Variants in HTR7 observed in about 807,000 individuals in gnomAD.
The protein encoded by HTR7 is 5-hydroxytryptamine receptor 7.
Under a neutral mutation model 34.0 loss-of-function variants are expected in HTR7, and 16 were observed. That is an observed-to-expected ratio of 0.47 (90% CI 0.32 to 0.71). The LOEUF is 0.71. HTR7 is among the 30% of genes least tolerant of loss of function. HTR7 has a pLI of 0.04. For synonymous variants in HTR7, 265 were observed against 260.2 expected, an observed-to-expected ratio of 1.02 and a Z score of -0.18; for missense variants, 504 against 625.5, an observed-to-expected ratio of 0.81 and a Z score of 2.07.
intron 1 of HTR7, among the ~76,000 whole-genome samples, chr10:90,847,766 CT>C (rs1846431105): frequency 6.6e-6 from 1 of 152,212 alleles, no homozygotes; most frequent in Non-Finnish European, 1.5e-5. Flanking sequence ...AAGCTAAAAA[CT>C]AATGGTTGCT....
chr10:90,770,952 G>A (rs1845099679), intron 1 of HTR7, among the ~76,000 whole-genome samples: 1 of 152,186 alleles, frequency 6.6e-6, no homozygotes, highest in Admixed American at 6.5e-5. Flanking sequence ...GGCCACCCAT[G>A]GACTAATGGG....
chr10:90,813,478 T>C (rs139456645), intron 1 of HTR7, among the ~76,000 whole-genome samples: 355 of 150,564 alleles, frequency 2.4e-3, no homozygotes, highest in African/African-American at 7.8e-3. Flanking sequence ...GCAAAGATCA[T>C]GCCACTGCAC....
chr10:90,829,016 A>G lies in HTR7; in HGVS notation c.539+28117T>C, dbSNP rs571333965. Among the ~76,000 whole-genome samples, 321 of 152,322 alleles carry G rather than the reference A, an allele frequency of 2.1e-3. 1 individual carries two copies. The highest frequency in any genetic ancestry group is 0.01 in the Middle Eastern group (3 of 294). ...AATCCTCAAAAAAATCTTGCAAACC[A>G]AATTCAACAACATACTAAAAAGATC... On this transcript the variant is annotated intron_variant, in intron 1 of 3. Coordinates refer to ENST00000336152, the MANE Select transcript of HTR7 (RefSeq NM_019859.4).
At chr10:90,804,747 A>G (rs1171981637) in intron 1 of HTR7, among the ~76,000 whole-genome samples, 1 of 152,190 alleles carries the variant, frequency 6.6e-6, no homozygotes, top group African/African-American at 2.4e-5. Context: ...CTATAATTAC[A>G]ATTTTTTTTT....
At chr10:90,835,279 C>T (rs901624605) in intron 1 of HTR7, among the ~76,000 whole-genome samples, 7 of 152,178 alleles carry the variant, frequency 4.6e-5, no homozygotes. Context: ...CAGGTAAAAT[C>T]CCATTGTACT....
chr10:90,831,415 G>T (rs370595556), intron 1 of HTR7, among the ~76,000 whole-genome samples: 19 of 152,050 alleles, frequency 1.2e-4, no homozygotes, highest in East Asian at 7.7e-4. Flanking sequence ...TCCTCCCGGT[G>T]GGTTCGTGGT....
At position 90,857,621 on chromosome 10, in the gene HTR7, G is replaced by C. The variant is rs1490458698; in HGVS notation, c.51C>G (p.Arg17=). Residue 17 remains arginine (R), a synonymous_variant, in exon 1 of 4, where the codon CGC becomes CGG. Coordinates refer to ENST00000336152, the MANE Select transcript of HTR7 (RefSeq NM_019859.4). The surrounding 1 kb of genome is among the most constrained non-coding windows in gnomAD (Gnocchi z 6.5). The part of the protein sequence containing the change: ...SGRPDLYGHL[R]SFLLPEVGRG... ...GCCCCACTTCTGGCAGAAGGAAAGA[G>C]CGGAGGTGCCCGTAGAGGTCCGGGC... 2 of 1,599,062 alleles carry C rather than the reference G, an allele frequency of 1.3e-6. No individual in the cohort carries two copies. Among genetic ancestry groups the C allele is most frequent in the African/African-American group, 2.7e-5 (2 of 74,530 alleles).
chr10:90,794,590 C>T (rs931952965), intron 1 of HTR7, among the ~76,000 whole-genome samples: 1 of 152,078 alleles, frequency 6.6e-6, no homozygotes, highest in Non-Finnish European at 1.5e-5. Context: ...ACCTTCTGGG[C>T]TCAAGAATCA....
At chr10:90,812,150 ATTTGAGC>A (rs1488973249) in intron 1 of HTR7, among the ~76,000 whole-genome samples, 2 of 152,232 alleles carry the variant, frequency 1.3e-5, no homozygotes, top group Non-Finnish European at 2.9e-5. Flanking sequence ...GGTACAGCCC[ATTTGAGC>A]TCCTGTATAG....
At chr10:90,829,366 T>C (rs982925001) in intron 1 of HTR7, among the ~76,000 whole-genome samples, 1 of 152,072 alleles carries the variant, frequency 6.6e-6, no homozygotes, top group African/African-American at 2.4e-5. Flanking sequence ...TTTCTTTTTT[T>C]GGGGTTGTCA....
rs113835217 is a variant in HTR7 at position 90,799,338 on chromosome 10, CATGAATGAATGAATGA to C, written c.540-49760_540-49745del. On this transcript the variant is annotated intron_variant, in intron 1 of 3. Coordinates refer to ENST00000336152, the MANE Select transcript of HTR7 (RefSeq NM_019859.4). ...CATGTTTCCCGCACAGCCGGCTCTGCATGAATGAATGAATGAATGAATGAATGAATGAATGAATGAA... is the reference window on the plus strand; with the variant it reads ...CATGTTTCCCGCACAGCCGGCTCTGCATGAATGAATGAATGAATGAATGAA... Among the ~76,000 whole-genome samples the C allele has an allele frequency of 4.5e-3, 681 of 150,544 alleles. 2 individuals are homozygous for C. The highest frequency in any genetic ancestry group is 6.9e-3 in the African/African-American group (281 of 40,778).
intron 1 of HTR7, among the ~76,000 whole-genome samples, chr10:90,848,421 T>A (rs977197521): frequency 5.9e-5 from 9 of 152,184 alleles, no homozygotes; most frequent in Admixed American, 2.0e-4. Flanking sequence ...ATATTACCAC[T>A]TATGTACGTC....
chr10:90,826,016 T>G (rs1846068002), intron 1 of HTR7, among the ~76,000 whole-genome samples: 1 of 152,000 alleles, frequency 6.6e-6, no homozygotes. Flanking sequence ...GATTAAAGAA[T>G]GCCAAGCAGA....
chr10:90,816,027 A>C (rs1260706656), intron 1 of HTR7, among the ~76,000 whole-genome samples: 2 of 152,210 alleles, frequency 1.3e-5, no homozygotes, highest in Non-Finnish European at 1.5e-5. Flanking sequence ...AGGGTTCCCT[A>C]ATAAAATGGA....
intron 1 of HTR7, among the ~76,000 whole-genome samples, chr10:90,854,305 G>C (rs936212234): frequency 1.3e-5 from 2 of 152,170 alleles, no homozygotes; most frequent in East Asian, 1.9e-4. Context: ...AGTGAGCAGA[G>C]ATGGCACCAC....
chr10:90,776,626 CT>C (rs1233494807), intron 1 of HTR7, among the ~76,000 whole-genome samples: 1 of 152,130 alleles, frequency 6.6e-6, no homozygotes, highest in Non-Finnish European at 1.5e-5. Flanking sequence ...TGAGTTTGTT[CT>C]GTTTTTTAAA....
Position 90,857,504 on chromosome 10 carries a change from C to T in HTR7, c.168G>A (p.Pro56=), listed in dbSNP as rs1185516706. The T allele has an allele frequency of 5.6e-6, 9 of 1,612,264 alleles. No individual in the cohort carries two copies. Among genetic ancestry groups the T allele is most frequent in the Non-Finnish European group, 7.6e-6 (9 of 1,179,694 alleles). ...PHLLSEVTAS[P]APTWDAPPDN... is the part of the protein sequence containing the mutation. ...CCGGGGGCGCGTCCCAGGTGGGCGCCGGGCTGGCTGTCACCTCGCTCAGCA... is the reference window on the plus strand; with the variant it reads ...CCGGGGGCGCGTCCCAGGTGGGCGCTGGGCTGGCTGTCACCTCGCTCAGCA... Residue 56 remains proline, a synonymous_variant, in exon 1 of 4, where the codon CCG becomes CCA. Coordinates refer to ENST00000336152, the MANE Select transcript of HTR7 (RefSeq NM_019859.4). The surrounding 1 kb of genome is among the most constrained non-coding windows in gnomAD (Gnocchi z 6.5).
At chr10:90,746,228 G>A (rs2119665824) in intron 2 of HTR7, among the ~76,000 whole-genome samples, 2 of 152,306 alleles carry the variant, frequency 1.3e-5, no homozygotes, top group Non-Finnish European at 2.9e-5. Context: ...TCAGCAAAGT[G>A]TCTGAGAGTG....
chr10:90,844,788 C>T (rs1846388994), intron 1 of HTR7, among the ~76,000 whole-genome samples: 2 of 137,288 alleles, frequency 1.5e-5, no homozygotes, highest in Non-Finnish European at 3.1e-5. Flanking sequence ...CAGGGGTTCT[C>T]ACTCTGGCTG....
Sources: gnomAD v4.1 joint callset for allele counts (sites outside exome capture counted in the v4.1 genomes callset) on GRCh38, gnomAD v4.1.1 for gene constraint, Gnocchi (gnomAD v3.1) non-coding constraint, MANE v1.5 for transcripts, NCBI Gene and HGNC (gene_info 2026-07-23, HGNC 2026-07-21) for gene names.